The following SNTG1 variants were observed in gnomAD, a reference collection of about 807,000 sequenced individuals.
The protein encoded by SNTG1 is syntrophin gamma 1.
SNTG1 carries 39 observed loss-of-function variants against 74.7 expected under a neutral mutation model. The observed-to-expected ratio is 0.52, with a 90% CI of 0.40 to 0.68. The LOEUF is 0.68. SNTG1 is among the 30% of genes least tolerant of loss of function. The probability of loss-of-function intolerance (pLI) is 0.00; values close to 1 mark genes in which losing one functional copy is unlikely to be tolerated. For synonymous variants in SNTG1, 254 were observed against 217.1 expected (o/e 1.17, Z -1.49); for missense variants, 685 against 609.5 (o/e 1.12, Z -1.30).
chr8:50,209,670 G>A (rs534220658), intron 2 of SNTG1, among the ~76,000 whole-genome samples: 75 of 152,314 alleles, frequency 4.9e-4, no homozygotes, highest in Admixed American at 1.4e-3. Context: ...CTGACTGTTA[G>A]AAGGAAAAAT....
intron 2 of SNTG1, among the ~76,000 whole-genome samples, chr8:50,321,745 A>G (rs927674798): frequency 6.4e-5 from 3 of 46,908 alleles, no homozygotes; most frequent in Non-Finnish European, 2.2e-4. Flanking sequence ...CTTATAACTT[A>G]TTATTTTAAA....
chr8:50,742,284 G>C (rs771478372), intron 17 of SNTG1, among the ~76,000 whole-genome samples: 11 of 151,916 alleles, frequency 7.2e-5, no homozygotes, highest in Non-Finnish European at 1.6e-4. Flanking sequence ...CACAAAATAC[G>C]TCATGATAGA....
intron 17 of SNTG1, among the ~76,000 whole-genome samples, chr8:50,715,104 A>T (rs748872297): frequency 1.3e-5 from 2 of 152,176 alleles, no homozygotes; most frequent in Non-Finnish European, 2.9e-5. Context: ...CCTGAGTGTT[A>T]GTAGTTAAAA....
At chr8:50,259,080 TGAC>T (rs1287832973) in intron 2 of SNTG1, among the ~76,000 whole-genome samples, 1 of 152,184 alleles carries the variant, frequency 6.6e-6, no homozygotes, top group Non-Finnish European at 1.5e-5. Flanking sequence ...GATTAATAGA[TGAC>T]TTCTCATTAT....
Position 50,487,833 on chromosome 8 carries a change from T to TA in SNTG1, c.364-14936dup, listed in dbSNP as rs60801957. On this transcript the variant is annotated intron_variant, in intron 8 of 18. Coordinates refer to ENST00000642720, the MANE Select transcript of SNTG1 (RefSeq NM_018967.5). ...CACATGTACCCTAAAACTTAAAGTA[T>TA]AAAAAAAAAGTCCAGTAAAAAAAAA... Among the ~76,000 whole-genome samples, 503 of 149,108 alleles carry TA rather than the reference T, an allele frequency of 3.4e-3. 3 individuals carry two copies. The highest frequency in any genetic ancestry group is 4.2e-3 in the Non-Finnish European group (283 of 67,086).
intron 8 of SNTG1, among the ~76,000 whole-genome samples, chr8:50,462,796 CTTTTTTTTTTTTTTTTTTTTTTTT>C (rs869119447): frequency 5.2e-5 from 3 of 57,410 alleles, no homozygotes; most frequent in Admixed American, 4.9e-4. Context: ...AGGTTCTACT[CTTTTTTTTTTTTTTTTTTTTTTTT>C]TTTTTTTTTT....
At chr8:50,269,002 G>T (rs2087631611) in intron 2 of SNTG1, among the ~76,000 whole-genome samples, 1 of 152,162 alleles carries the variant, frequency 6.6e-6, no homozygotes, top group Non-Finnish European at 1.5e-5. Flanking sequence ...ATGGAAGGTA[G>T]GGTGGCCTTT....
At chr8:49,985,312 A>G (rs1308760486) in intron 1 of SNTG1, among the ~76,000 whole-genome samples, 1 of 152,034 alleles carries the variant, frequency 6.6e-6, no homozygotes, top group Non-Finnish European at 1.5e-5. Context: ...GCTATTTTTA[A>G]GAGAGATGGA....
chr8:50,611,164 C>A (rs2094847115), intron 13 of SNTG1, among the ~76,000 whole-genome samples: 1 of 152,058 alleles, frequency 6.6e-6, no homozygotes, highest in African/African-American at 2.4e-5. Flanking sequence ...TACAAGAATG[C>A]CTGAGAGGAG....
At chr8:50,412,709 T>G (rs1364683008) in intron 4 of SNTG1, among the ~76,000 whole-genome samples, 1 of 152,166 alleles carries the variant, frequency 6.6e-6, no homozygotes, top group Non-Finnish European at 1.5e-5. Context: ...GCGGGATATA[T>G]GTAATTTTGC....
chr8:50,196,709 G>A (rs2083782186), intron 2 of SNTG1, among the ~76,000 whole-genome samples: 1 of 151,410 alleles, frequency 6.6e-6, no homozygotes, highest in Non-Finnish European at 1.5e-5. Flanking sequence ...GTAATCCCAG[G>A]ACTTCGAGAA....
intron 1 of SNTG1, among the ~76,000 whole-genome samples, chr8:50,104,017 ATTCT>A (rs2080261393): frequency 6.6e-6 from 1 of 152,090 alleles, no homozygotes; most frequent in South Asian, 2.1e-4. Flanking sequence ...TCAGTCTAAA[ATTCT>A]CTTTTTTGGT....
At chr8:50,003,565 T>A (rs142497238) in intron 1 of SNTG1, among the ~76,000 whole-genome samples, 20 of 152,262 alleles carry the variant, frequency 1.3e-4, no homozygotes, top group African/African-American at 4.3e-4. Context: ...ATTATGGAAT[T>A]TTTTGTCTTA....
chr8:50,616,877 C>T (rs570883935), intron 13 of SNTG1, among the ~76,000 whole-genome samples: 4 of 152,278 alleles, frequency 2.6e-5, no homozygotes, highest in East Asian at 3.9e-4. Context: ...TCTCTTCCTC[C>T]GTCACGCAAG....
At chr8:49,923,704 GA>G (rs561371693) in intron 1 of SNTG1, among the ~76,000 whole-genome samples, 20 of 145,690 alleles carry the variant, frequency 1.4e-4, no homozygotes, top group African/African-American at 2.5e-4. Context: ...CCAATAAGGA[GA>G]AAAAAAAAAG....
intron 9 of SNTG1, among the ~76,000 whole-genome samples, chr8:50,521,969 T>C (rs1265105436): frequency 6.6e-6 from 1 of 152,106 alleles, no homozygotes; most frequent in Non-Finnish European, 1.5e-5. Context: ...CCTCTTAATA[T>C]TGATATTTTT....
intron 1 of SNTG1, among the ~76,000 whole-genome samples, chr8:50,118,827 CTCAG>C (rs751886662): frequency 2.1e-5 from 3 of 142,170 alleles, no homozygotes; most frequent in East Asian, 2.0e-4. Context: ...TAAAACCATG[CTCAG>C]TCAGAATCCA....
At chr8:50,183,974 A>G (rs956787952) in intron 2 of SNTG1, among the ~76,000 whole-genome samples, 1 of 152,156 alleles carries the variant, frequency 6.6e-6, no homozygotes, top group East Asian at 1.9e-4. Context: ...CCTTCTTACT[A>G]TGAAGGAAAT....
chr8:50,036,972 GTC>G (rs1161325097), intron 1 of SNTG1, among the ~76,000 whole-genome samples: 4 of 152,188 alleles, frequency 2.6e-5, no homozygotes, highest in Non-Finnish European at 4.4e-5. Flanking sequence ...GGAAGTGAAT[GTC>G]TCTGTAAATT....
Sources: gnomAD v4.1 joint callset for allele counts (sites outside exome capture counted in the v4.1 genomes callset) on GRCh38, gnomAD v4.1.1 for gene constraint, MANE v1.5 for transcripts, NCBI Gene and HGNC (gene_info 2026-07-23, HGNC 2026-07-21) for gene names.